The following CSMD1 variants were observed in gnomAD, a reference collection of about 807,000 sequenced individuals.
CSMD1 encodes the protein CUB and Sushi multiple domains 1.
A neutral mutation model predicts 417.5 loss-of-function variants in CSMD1; 213 were observed. The ratio of observed to expected loss-of-function variants is 0.51; its 90% CI spans 0.46 to 0.57. The LOEUF is 0.57. Ranked by LOEUF, CSMD1 falls within the 20% of genes least tolerant of loss-of-function variation. The pLI, the probability that CSMD1 is intolerant of heterozygous loss-of-function variation, is 0.00. For synonymous variants in CSMD1, 2,862 were observed against 1,736.8 expected (o/e 1.65, Z -16.11); for missense variants, 6,923 against 4,529.7 (o/e 1.53, Z -15.17).
At chr8:3,881,635 C>G (rs1054822518) in intron 5 of CSMD1, among the ~76,000 whole-genome samples, 27 of 82,052 alleles carry the variant, frequency 3.3e-4, no homozygotes, top group African/African-American at 2.3e-3. Flanking sequence ...AAAACAAAAA[C>G]AAACAAACAA....
At chr8:3,172,453 C>G (rs908170045) in intron 37 of CSMD1, among the ~76,000 whole-genome samples, 19 of 152,296 alleles carry the variant, frequency 1.2e-4, no homozygotes, top group African/African-American at 4.6e-4. Context: ...AGGTGCTTAT[C>G]ATAACCTATA....
At chr8:4,354,864 T>TTGTGTG (rs1801309159) in intron 3 of CSMD1, among the ~76,000 whole-genome samples, 1 of 78,440 alleles carries the variant, frequency 1.3e-5, no homozygotes, top group Non-Finnish European at 2.7e-5. Context: ...GAGGAAAATG[T>TTGTGTG]AGTGTGTGTG....
At chr8:3,142,258 C>G (rs189199842) in intron 41 of CSMD1, among the ~76,000 whole-genome samples, 1 of 152,140 alleles carries the variant, frequency 6.6e-6, no homozygotes, top group Non-Finnish European at 1.5e-5. Context: ...GCAGAAAAGG[C>G]GAACCCACTG....
At chr8:4,604,892 G>A (rs1420033589) in intron 2 of CSMD1, among the ~76,000 whole-genome samples, 1 of 152,118 alleles carries the variant, frequency 6.6e-6, no homozygotes, top group East Asian at 1.9e-4. Context: ...TGACTCTGAC[G>A]GTGTTCGGGG....
chr8:4,541,191 A>G (rs1797367396), intron 2 of CSMD1, among the ~76,000 whole-genome samples: 1 of 152,110 alleles, frequency 6.6e-6, no homozygotes, highest in South Asian at 2.1e-4. Flanking sequence ...TTCCAGCTGC[A>G]TCTAGGGACT....
intron 1 of CSMD1, among the ~76,000 whole-genome samples, chr8:4,684,818 G>C (rs1806269764): frequency 6.6e-6 from 1 of 152,254 alleles, no homozygotes; most frequent in African/African-American, 2.4e-5. Context: ...GTAAAAAAGA[G>C]ATAGCTTATT....
rs1277496085 is a variant in CSMD1 at position 3,586,130 on chromosome 8, C to T, written c.1222+6G>A. The T allele has an allele frequency of 2.5e-6, 4 of 1,609,872 alleles. No homozygotes were observed. In the East Asian group the frequency reaches 6.7e-5, roughly 27 times the overall value. On this transcript the variant is annotated splice_donor_region_variant and intron_variant, in intron 9 of 69. Transcript: ENST00000635120. ...ATCCAGGCTTTACCCACCGCAGGTG[C>T]CTTACCTCGGCAGATGGGCCTGTGG...
At chr8:4,021,607 G>A (rs1458418848) in intron 4 of CSMD1, among the ~76,000 whole-genome samples, 1 of 152,136 alleles carries the variant, frequency 6.6e-6, no homozygotes, top group Non-Finnish European at 1.5e-5. Context: ...GCCCTCAAAT[G>A]ACTTATCACA....
intron 3 of CSMD1, among the ~76,000 whole-genome samples, chr8:4,337,949 C>A (rs961870440): frequency 6.6e-6 from 1 of 152,118 alleles, no homozygotes; most frequent in Admixed American, 6.6e-5. Flanking sequence ...TCGCATTTCT[C>A]AACCTTTTTA....
chr8:4,041,377 T>A (rs1252641560), intron 3 of CSMD1, among the ~76,000 whole-genome samples: 5 of 152,130 alleles, frequency 3.3e-5, no homozygotes, highest in Non-Finnish European at 7.3e-5. Context: ...CGCAAAACTA[T>A]GACAAGAATT....
intron 4 of CSMD1, among the ~76,000 whole-genome samples, chr8:4,011,209 T>C (rs1816509744): frequency 6.6e-6 from 1 of 152,172 alleles, no homozygotes; most frequent in Admixed American, 6.5e-5. Context: ...CCTGTTTGTG[T>C]TCTACCTTTC....
intron 5 of CSMD1, among the ~76,000 whole-genome samples, chr8:3,787,945 A>G (rs1377655143): frequency 6.6e-6 from 1 of 152,154 alleles, no homozygotes; most frequent in Non-Finnish European, 1.5e-5. Context: ...ATGGGCAGAA[A>G]TCCTTGCATG....
At chr8:3,029,045 AT>A (rs1372560367) in intron 51 of CSMD1, among the ~76,000 whole-genome samples, 1 of 152,114 alleles carries the variant, frequency 6.6e-6, no homozygotes, top group Non-Finnish European at 1.5e-5. Context: ...ATAGGTTTGT[AT>A]TTGTCTTTGA....
chr8:3,709,678 A>ATTTTTTTTT (rs1563296488), intron 6 of CSMD1, among the ~76,000 whole-genome samples: 1 of 24,320 alleles, frequency 4.1e-5, no homozygotes, highest in Non-Finnish European at 8.9e-5. Flanking sequence ...TTGCAGCAGC[A>ATTTTTTTTT]TGTTTTTTTT....
intron 5 of CSMD1, among the ~76,000 whole-genome samples, chr8:3,962,108 G>C (rs1812370055): frequency 6.6e-6 from 1 of 152,130 alleles, no homozygotes; most frequent in Non-Finnish European, 1.5e-5. Context: ...GACCCAGCCA[G>C]GACCTTCCTC....
chr8:4,143,326 T>C (rs1302738861), intron 3 of CSMD1, among the ~76,000 whole-genome samples: 1 of 150,654 alleles, frequency 6.6e-6, no homozygotes, highest in Non-Finnish European at 1.5e-5. Flanking sequence ...TTCCAGTTCT[T>C]CAAATCTGAT....
At chr8:3,307,910 CT>C in intron 24 of CSMD1, 89 bp from the exon 25 acceptor site, 1 of 1,405,648 alleles carries the variant, frequency 7.1e-7, no homozygotes, top group Admixed American at 2.1e-5. Flanking sequence ...GCCATTATGT[CT>C]GCATTATATA....
chr8:4,976,466 G>T (rs1045059564), intron 1 of CSMD1, among the ~76,000 whole-genome samples: 1 of 152,130 alleles, frequency 6.6e-6, no homozygotes, highest in Non-Finnish European at 1.5e-5. Context: ...TACAAAAACT[G>T]ACTTCACAAT....
At chr8:2,985,281 G>C (rs757587238) in intron 54 of CSMD1, among the ~76,000 whole-genome samples, 3 of 152,206 alleles carry the variant, frequency 2.0e-5, no homozygotes, top group Admixed American at 6.5e-5. Context: ...CCTAGTTCAG[G>C]AACACGCAAA....
Sources: gnomAD v4.1 joint callset for allele counts (sites outside exome capture counted in the v4.1 genomes callset) on GRCh38, gnomAD v4.1.1 for gene constraint, MANE v1.5 for transcripts, NCBI Gene and HGNC (gene_info 2026-07-23, HGNC 2026-07-21) for gene names.